PRSS57: variants seen among roughly 807,000 people sequenced by gnomAD.
PRSS57 encodes the protein neutrophil serine protease 4.
Under a neutral mutation model 20.6 loss-of-function variants are expected in PRSS57, and 19 were observed. That is an observed-to-expected ratio of 0.92 (90% confidence interval 0.64 to 1.35). The LOEUF (loss-of-function observed/expected upper bound fraction) is 1.35. Ranked by LOEUF, PRSS57 falls within the 40% of genes most tolerant of loss-of-function variation. The pLI is 0.00. For synonymous variants in PRSS57, 203 were observed against 176.6 expected (o/e 1.15, Z -1.19); for missense variants, 440 against 403.7 (o/e 1.09, Z -0.77).
Position 685,588 on chromosome 19 carries a change from T to G in PRSS57, c.*128A>C. On this transcript the variant is annotated 3_prime_UTR_variant, in exon 5 of 5. Coordinates refer to ENST00000329267, the MANE Select transcript of PRSS57 (RefSeq NM_001308209.2). The stretch of plus-strand genomic sequence containing the variant: ...TGGGTTTGCTTCTGCCCTTTGCATG[T>G]GGAATGGGTGTGCCCCACCGCTGCC... The G allele has an allele frequency of 1.2e-6, 1 of 865,698 alleles. No individual in the cohort carries two copies. The highest frequency in any genetic ancestry group is 1.7e-6 in the Non-Finnish European group (1 of 580,356). 53.6% of individuals were successfully genotyped at this position (865,698 alleles called of 1,614,324 possible).
At chr19:694,777 G>A (rs757887364) in intron 2 of PRSS57, 37 bp downstream of exon 2, 20 of 1,584,332 alleles carry the variant, frequency 1.3e-5, no homozygotes, top group African/African-American at 6.8e-5. Flanking sequence ...GTCGGGATAC[G>A]GTGTCCAGAA....
intron 3 of PRSS57, among the ~76,000 whole-genome samples, chr19:689,004 G>T (rs12609586): frequency 0.38 from 57,129 of 151,904 alleles, 11,189 homozygotes; most frequent in African/African-American, 0.43. Context: ...GCCATAAATG[G>T]CCATAAAGGT....
rs375214430 is a variant in PRSS57, at chr19:695,447, C to T, written c.-17G>A. 7.3e-4 allele frequency: 906 copies of T among 1,246,384 alleles called. 4 individuals carry two copies. The highest frequency in any genetic ancestry group is 5.1e-3 in the Middle Eastern group (22 of 4,330). The allele number at this position is 1,246,384 out of a possible 1,614,324, so 77.2% of individuals were successfully genotyped here. A position where few individuals can be genotyped will look rare whatever the true frequency, so the allele number is the denominator to read the frequency against. ...GAGCCCCATGGCAGACGCAGGCTGGCGTCTCCCCGCAGAGGTCTTCGGGCC... is the reference window on the plus strand; with the variant it reads ...GAGCCCCATGGCAGACGCAGGCTGGTGTCTCCCCGCAGAGGTCTTCGGGCC... On this transcript the variant is annotated 5_prime_UTR_variant, in exon 1 of 5. Coordinates refer to ENST00000329267, the MANE Select transcript of PRSS57 (RefSeq NM_001308209.2).
chr19:689,645 G>T (rs546037724), intron 3 of PRSS57, among the ~76,000 whole-genome samples: 2 of 152,304 alleles, frequency 1.3e-5, no homozygotes, highest in East Asian at 3.9e-4. Context: ...CAGGCCAGGC[G>T]CAGCAGCTCA....
chr19:690,236 G>C (rs2031604202), intron 3 of PRSS57: 1 of 152,454 alleles, frequency 6.6e-6, no homozygotes. Context: ...GCTTGAACCT[G>C]GGAGGCAGAG....
chr19:690,656 C>T (rs966870765), intron 3 of PRSS57: 3 of 268,474 alleles, frequency 1.1e-5, no homozygotes, highest in Non-Finnish European at 1.5e-5. Flanking sequence ...GAAGCAGATC[C>T]GCACCGGCCA....
rs774941376 is a variant in PRSS57, at chr19:694,561, CAA to C, written c.233+251_233+252del. On this transcript the variant is annotated intron_variant, in intron 2 of 4. Coordinates refer to ENST00000329267, the MANE Select transcript of PRSS57 (RefSeq NM_001308209.2). ...CCAGCCTGGGGAACCGAGACTGCCT[CAA>C]AAAAAAAAAAGAACATAGTGACAGT... 4.6e-5 allele frequency among the ~76,000 whole-genome samples: 6 copies of C among 130,764 alleles called. No individual in the cohort carries two copies. In the South Asian group the frequency reaches 7.4e-4, roughly 16 times the overall value. 85.8% of individuals were successfully genotyped at this position (130,764 alleles called of 152,430 possible).
intron 2 of PRSS57, among the ~76,000 whole-genome samples, chr19:694,338 C>T (rs2031729168): frequency 6.6e-6 from 1 of 150,762 alleles, no homozygotes; most frequent in Non-Finnish European, 1.5e-5. Context: ...GAGGCAGAGG[C>T]GGGTGGATCA....
Position 693,229 on chromosome 19 carries a change from C to CTTTTTTTTTTTTTTTTTTTTTT in PRSS57, c.234-1228_234-1227insAAAAAAAAAAAAAAAAAAAAAA, listed in dbSNP as rs1171032187. On this transcript the variant is annotated intron_variant, in intron 2 of 4. Coordinates refer to ENST00000329267, the MANE Select transcript of PRSS57 (RefSeq NM_001308209.2). ...TACAGGCGTGAGCCACCGCACCCGG[C>CTTTTTTTTTTTTTTTTTTTTTT]CTTTTTTTTTTTTTTTTTTTTGAGA... is the stretch of plus-strand genomic sequence containing the variant. 3.7e-5 allele frequency among the ~76,000 whole-genome samples: 4 copies of CTTTTTTTTTTTTTTTTTTTTTT among 109,128 alleles called. 2 individuals are homozygous for CTTTTTTTTTTTTTTTTTTTTTT. The allele number at this position is 109,128 out of a possible 152,430, so 71.6% of individuals were successfully genotyped here. A position where few individuals can be genotyped will look rare whatever the true frequency, so the allele number is the denominator to read the frequency against.
rs1049886230 is a variant in PRSS57, at chr19:694,707, C to A, written c.233+107G>T. 20 of 1,283,936 alleles carry A rather than the reference C, an allele frequency of 1.6e-5. No individual in the cohort carries two copies. In the Admixed American group the frequency reaches 4.0e-4, roughly 26 times the overall value. 79.5% of individuals were successfully genotyped at this position (1,283,936 alleles called of 1,614,324 possible). ...TTTAAATCCAGCCCCTGCTGAGACT[C>A]CCCCTCCTGCAGGAGCCACGGCGCC... On this transcript the variant is annotated intron_variant, in intron 2 of 4. Coordinates refer to ENST00000329267, the MANE Select transcript of PRSS57 (RefSeq NM_001308209.2).
intron 4 of PRSS57, among the ~76,000 whole-genome samples, chr19:686,416 C>T (rs1009642669): frequency 6.6e-6 from 1 of 152,004 alleles, no homozygotes; most frequent in African/African-American, 2.4e-5. Context: ...CAACTGGATA[C>T]TAATAGTGTA....
chr19:687,852 A>T (rs2031522558), intron 3 of PRSS57, among the ~76,000 whole-genome samples: 6 of 152,016 alleles, frequency 3.9e-5, no homozygotes, highest in Admixed American at 3.9e-4. Context: ...GGCAGGATGA[A>T]TTTACAGCTA....
chr19:685,686 C>T lies in PRSS57; in HGVS notation c.*30G>A. ...CGGAACATTCCAGGCCTGGAGCGGC[C>T]ATCTCATTTGCATGCCGCAAGGTTG... is the stretch of plus-strand genomic sequence containing the variant. On this transcript the variant is annotated 3_prime_UTR_variant, in exon 5 of 5. Transcript: ENST00000329267. 6.7e-7 allele frequency: 1 copy of T among 1,493,674 alleles called. No homozygotes were observed. The highest frequency in any genetic ancestry group is 9.0e-7 in the Non-Finnish European group (1 of 1,110,336). The allele number at this position is 1,493,674 out of a possible 1,614,324, so 92.5% of individuals were successfully genotyped here.
intron 2 of PRSS57, among the ~76,000 whole-genome samples, chr19:692,300 C>T (rs182935209): frequency 4.0e-5 from 6 of 151,204 alleles, no homozygotes; most frequent in East Asian, 3.9e-4. Context: ...GCCTGGGAGG[C>T]GGAGGTTGCA....
In PRSS57 at chr19:694,845, C is replaced by T. The variant is rs961559036; in HGVS notation, c.202G>A (p.Val68Met). The change falls in exon 2 of 5, where the codon GTG becomes ATG. Residue 68 changes from valine to methionine, a missense_variant. Val to Met is a conservative substitution (Grantham distance 21, BLOSUM62 1). Coordinates refer to ENST00000329267, the MANE Select transcript of PRSS57 (RefSeq NM_001308209.2). The part of the protein sequence containing the change: ...CGGFLLRARW[V>M]VSAAHCFSHR... ...CTGAAGCAGTGGGCGGCCGAGACCA[C>T]CCAGCGGGCTCGCAGCAGGAAGCCT... The T allele has an allele frequency of 2.5e-6, 4 of 1,607,364 alleles. No homozygotes were observed. The highest frequency in any genetic ancestry group is 3.4e-6 in the Non-Finnish European group (4 of 1,177,758).
intron 3 of PRSS57, among the ~76,000 whole-genome samples, chr19:688,132 G>A (rs1300299886): frequency 6.6e-6 from 1 of 152,338 alleles, no homozygotes; most frequent in East Asian, 1.9e-4. Context: ...CTCAGTTAAT[G>A]GGCCTGGGAA....
Position 685,613 on chromosome 19 carries a change from C to T in PRSS57, c.*103G>A. The T allele has an allele frequency of 8.5e-7, 1 of 1,169,768 alleles. No individual in the cohort carries two copies. The allele number at this position is 1,169,768 out of a possible 1,614,324, so 72.5% of individuals were successfully genotyped here. ...TGGAATGGGTGTGCCCCACCGCTGCCCGTCCCACCCCAACCCTGAACATCA... is the reference window on the plus strand; with the variant it reads ...TGGAATGGGTGTGCCCCACCGCTGCTCGTCCCACCCCAACCCTGAACATCA... On this transcript the variant is annotated 3_prime_UTR_variant, in exon 5 of 5. Transcript: ENST00000329267.
chr19:694,560 T>TAAAAAAAAAAAA (rs2031733972), intron 2 of PRSS57, among the ~76,000 whole-genome samples: 3 of 119,900 alleles, frequency 2.5e-5, no homozygotes, highest in African/African-American at 3.9e-5. Flanking sequence ...CGAGACTGCC[T>TAAAAAAAAAAAA]CAAAAAAAAA....
At position 693,220 on chromosome 19, in the gene PRSS57, C is replaced by T. The variant is rs1035702824; in HGVS notation, c.234-1218G>A. 4.1e-5 allele frequency among the ~76,000 whole-genome samples: 6 copies of T among 145,086 alleles called. No individual in the cohort carries two copies. In the East Asian group the frequency reaches 6.0e-4, roughly 15 times the overall value. On this transcript the variant is annotated intron_variant, in intron 2 of 4. Transcript: ENST00000329267. Reference sequence around the variant, plus strand: ...TGCCGGGATTACAGGCGTGAGCCACCGCACCCGGCCTTTTTTTTTTTTTTT... The same window carrying T: ...TGCCGGGATTACAGGCGTGAGCCACTGCACCCGGCCTTTTTTTTTTTTTTT...
Sources: gnomAD v4.1 joint callset for allele counts (sites outside exome capture counted in the v4.1 genomes callset) on GRCh38, gnomAD v4.1.1 for gene constraint, MANE v1.5 for transcripts, NCBI Gene and HGNC (gene_info 2026-07-23, HGNC 2026-07-21) for gene names.